The following GLIS3 variants were observed in gnomAD, a reference collection of about 807,000 sequenced individuals.
GLIS3 encodes the protein zinc finger protein GLIS3.
Under a neutral mutation model 78.6 loss-of-function variants are expected in GLIS3, and 53 were observed. That is an observed-to-expected ratio of 0.67 (90% confidence interval 0.54 to 0.85). GLIS3 has a LOEUF of 0.85. GLIS3 is among the 40% of genes least tolerant of loss of function. GLIS3 has a pLI of 0.00. For synonymous variants in GLIS3, 684 were observed against 509.9 expected (o/e 1.34, Z -4.60); for missense variants, 1,703 against 1,231.1 (o/e 1.38, Z -5.74).
intron 2 of GLIS3, among the ~76,000 whole-genome samples, chr9:4,205,432 T>G (rs1426236979): frequency 6.6e-6 from 1 of 152,078 alleles, no homozygotes; most frequent in East Asian, 1.9e-4. Context: ...GCAGAGACAA[T>G]GGGATACAAG....
chr9:4,227,306 CA>C (rs35096957), intron 2 of GLIS3, among the ~76,000 whole-genome samples: 48,827 of 136,528 alleles, frequency 0.36, 8,742 homozygotes, highest in South Asian at 0.54. Flanking sequence ...GTTATGTTAC[CA>C]AAAAAAAAAA....
intron 4 of GLIS3, among the ~76,000 whole-genome samples, chr9:4,014,779 A>G (rs185370254): frequency 6.6e-6 from 1 of 152,330 alleles, no homozygotes; most frequent in East Asian, 1.9e-4. Flanking sequence ...CAATGCCTTC[A>G]AAGTGCAGAT....
intron 4 of GLIS3, among the ~76,000 whole-genome samples, chr9:3,972,386 G>A (rs553441804): frequency 5.1e-4 from 78 of 152,280 alleles, no homozygotes; most frequent in Middle Eastern, 3.4e-3. Context: ...TGGGAGAGGA[G>A]AGTATGGTCA....
intron 8 of GLIS3, among the ~76,000 whole-genome samples, chr9:3,877,264 A>T (rs1821379740): frequency 1.3e-5 from 2 of 152,206 alleles, no homozygotes; most frequent in African/African-American, 4.8e-5. Context: ...AAAAAATCTT[A>T]ATTTATAGGA....
intron 4 of GLIS3, among the ~76,000 whole-genome samples, chr9:3,994,823 G>A (rs933056736): frequency 4.6e-5 from 7 of 152,228 alleles, no homozygotes; most frequent in East Asian, 1.9e-4. Context: ...TAAAAATGGC[G>A]GCTAAAGTGT....
chr9:4,191,975 TGGA>T (rs376127705), intron 2 of GLIS3, among the ~76,000 whole-genome samples: 19 of 152,292 alleles, frequency 1.2e-4, no homozygotes, highest in African/African-American at 4.6e-4. Flanking sequence ...AGATTTTTTT[TGGA>T]GGAGGTCTCT....
chr9:4,266,554 T>C (rs1444704113), intron 2 of GLIS3, among the ~76,000 whole-genome samples: 1 of 151,182 alleles, frequency 6.6e-6, no homozygotes, highest in Non-Finnish European at 1.5e-5. Flanking sequence ...CTCTTCAGCA[T>C]ACACAAATAT....
chr9:4,117,689 C>T (rs1382443540), intron 4 of GLIS3, 79 bp downstream of exon 4: 4 of 1,550,550 alleles, frequency 2.6e-6, no homozygotes, highest in Non-Finnish European at 2.7e-6. Flanking sequence ...ACTCCATGGG[C>T]CGAGTTAGGA....
At chr9:4,056,538 G>A (rs1826167373) in intron 4 of GLIS3, among the ~76,000 whole-genome samples, 1 of 152,142 alleles carries the variant, frequency 6.6e-6, no homozygotes, top group African/African-American at 2.4e-5. Flanking sequence ...CAGCTTTGCA[G>A]GAGACTTTCT....
At chr9:4,011,095 T>A (rs965860771) in intron 4 of GLIS3, among the ~76,000 whole-genome samples, 1 of 152,160 alleles carries the variant, frequency 6.6e-6, no homozygotes, top group Non-Finnish European at 1.5e-5. Context: ...ACTTGTAGAA[T>A]CCTGAGGTTC....
intron 4 of GLIS3, among the ~76,000 whole-genome samples, chr9:4,017,425 T>C (rs963719633): frequency 2.0e-5 from 3 of 152,156 alleles, no homozygotes; most frequent in Non-Finnish European, 4.4e-5. Context: ...TGGCAATCTG[T>C]GGAAGCTTGC....
At chr9:4,278,504 G>A (rs1167322037) in intron 2 of GLIS3, among the ~76,000 whole-genome samples, 2 of 152,126 alleles carry the variant, frequency 1.3e-5, no homozygotes, top group East Asian at 3.8e-4. Flanking sequence ...GCATCACAAA[G>A]AATAATGATG....
chr9:4,355,023 G>A, the GLIS3 span, among the ~76,000 whole-genome samples: 1 of 151,956 alleles, frequency 6.6e-6, no homozygotes, highest in Admixed American at 6.6e-5. Flanking sequence ...GGCTGAAGTG[G>A]GAGAATTGCT....
intron 4 of GLIS3, among the ~76,000 whole-genome samples, chr9:3,979,974 C>A (rs1819121306): frequency 6.6e-6 from 1 of 152,054 alleles, no homozygotes; most frequent in South Asian, 2.1e-4. Flanking sequence ...ACCATGGAAG[C>A]AGGCAAAAGA....
the GLIS3 span, among the ~76,000 whole-genome samples, chr9:4,395,340 C>T: frequency 6.6e-5 from 10 of 152,230 alleles, no homozygotes; most frequent in African/African-American, 1.9e-4. Context: ...TTTGTTGAGG[C>T]GCTGACATGA....
At chr9:4,181,296 G>A (rs10974371) in intron 2 of GLIS3, among the ~76,000 whole-genome samples, 41,724 of 152,094 alleles carry the variant, frequency 0.27, 6,428 homozygotes, top group South Asian at 0.48. Flanking sequence ...TTTATTTCTG[G>A]TCTTCCGTCG....
chr9:3,874,381 C>A (rs770901002), intron 8 of GLIS3, among the ~76,000 whole-genome samples: 8 of 152,178 alleles, frequency 5.3e-5, no homozygotes, highest in Admixed American at 5.2e-4. Flanking sequence ...TGTCCCTTCC[C>A]GTATGCCTTG....
At chr9:4,145,350 A>C (rs1834134869) in intron 2 of GLIS3, among the ~76,000 whole-genome samples, 1 of 152,232 alleles carries the variant, frequency 6.6e-6, no homozygotes, top group Non-Finnish European at 1.5e-5. Flanking sequence ...GTAAATGAAA[A>C]ACTACACCCA....
At chr9:3,914,394 T>C (rs1474553720) in intron 6 of GLIS3, among the ~76,000 whole-genome samples, 2 of 151,530 alleles carry the variant, frequency 1.3e-5, no homozygotes, top group African/African-American at 2.4e-5. Flanking sequence ...CTTGAACTCC[T>C]GGGCTCAAGT....
Sources: gnomAD v4.1 joint callset for allele counts (sites outside exome capture counted in the v4.1 genomes callset) on GRCh38, gnomAD v4.1.1 for gene constraint, MANE v1.5 for transcripts, NCBI Gene and HGNC (gene_info 2026-07-23, HGNC 2026-07-21) for gene names.